DMD: variants seen among roughly 807,000 people sequenced by gnomAD.
DMD encodes the protein dystrophin.
A neutral mutation model predicts 330.1 loss-of-function variants in DMD; 63 were observed. The observed-to-expected ratio is 0.19, with a 90% CI of 0.16 to 0.24. DMD has a LOEUF of 0.24. DMD is among the 10% of genes least tolerant of loss of function. DMD has a pLI of 1.00. For missense variants in DMD, 3,344 were observed against 2,684.1 expected (o/e 1.25, Z -5.43); for synonymous variants, 1,223 against 959.8 (o/e 1.27, Z -5.07).
At chrX:32,533,132 A>G (rs2047635284) in intron 17 of DMD, among the ~76,000 whole-genome samples, 1 of 111,207 alleles carries the variant, frequency 9.0e-6, no homozygotes. Flanking sequence ...CTATGAAACC[A>G]AGGTAAGATG....
At chrX:31,289,272 AT>A (rs1569518634) in intron 62 of DMD, among the ~76,000 whole-genome samples, 1,139 of 87,709 alleles carry the variant, frequency 0.013, 183 homozygotes, top group African/African-American at 0.048. Context: ...AAAATAAAAA[AT>A]AAAATAAAAT....
intron 9 of DMD, among the ~76,000 whole-genome samples, chrX:32,645,867 C>T (rs1174909599): frequency 8.9e-6 from 1 of 112,006 alleles, no homozygotes; most frequent in Non-Finnish European, 1.9e-5. Context: ...CGTCTGGACC[C>T]TAAAGCCAAG....
chrX:33,075,241 A>C (rs746061881), intron 1 of DMD, among the ~76,000 whole-genome samples: 1 of 112,005 alleles, frequency 8.9e-6, no homozygotes, highest in Admixed American at 9.5e-5. Context: ...CTCAGTGCAC[A>C]GGAGGACCCT....
intron 26 of DMD, among the ~76,000 whole-genome samples, chrX:32,451,900 T>A (rs1252074018): frequency 1.8e-5 from 2 of 110,738 alleles, no homozygotes; most frequent in Admixed American, 1.9e-4. Flanking sequence ...CTCTTTTTAC[T>A]ATCACCCCCA....
intron 45 of DMD, among the ~76,000 whole-genome samples, chrX:31,962,667 G>A (rs1352751199): frequency 9.0e-6 from 1 of 111,707 alleles, no homozygotes; most frequent in Non-Finnish European, 1.9e-5. Flanking sequence ...TAAAAAATGA[G>A]GTCTCTCAAT....
chrX:32,356,452 A>C (rs776075706), intron 37 of DMD, among the ~76,000 whole-genome samples: 1 of 108,855 alleles, frequency 9.2e-6, no homozygotes, highest in Non-Finnish European at 1.9e-5. Flanking sequence ...TGAATATTTA[A>C]GTATTTGATG....
chrX:32,248,639 C>T (rs1228362725), intron 43 of DMD, among the ~76,000 whole-genome samples: 1 of 108,610 alleles, frequency 9.2e-6, no homozygotes, highest in East Asian at 2.9e-4. Flanking sequence ...TCATTGCAAA[C>T]ACAATACTAT....
intron 45 of DMD, among the ~76,000 whole-genome samples, chrX:31,948,821 A>G (rs961264677): frequency 5.4e-5 from 6 of 111,942 alleles, no homozygotes; most frequent in South Asian, 3.7e-4. Flanking sequence ...CTATTGGATT[A>G]TCTTGTCACC....
intron 76 of DMD, among the ~76,000 whole-genome samples, chrX:31,143,142 A>T (rs1394261834): frequency 9.0e-6 from 1 of 111,580 alleles, no homozygotes; most frequent in Non-Finnish European, 1.9e-5. Flanking sequence ...TTTTAAATGA[A>T]GTTAGCTTAT....
At chrX:31,668,422 TATA>T (rs913015873) in intron 53 of DMD, among the ~76,000 whole-genome samples, 3 of 110,690 alleles carry the variant, frequency 2.7e-5, no homozygotes, top group African/African-American at 9.8e-5. Flanking sequence ...TCATTAAAAA[TATA>T]TTATTATTAT....
At position 33,163,628 on chromosome X, in the gene DMD, C is replaced by CTATCTATGTATCTATG. The variant is rs1557282396; in HGVS notation, c.31+47653_31+47654insCATAGATACATAGATA. On this transcript the variant is annotated intron_variant, in intron 1 of 78. Coordinates refer to ENST00000357033, the MANE Select transcript of DMD (RefSeq NM_004006.3). ...TATATCTATATCTATCTCTATCTAT[C>CTATCTATGTATCTATG]TATCTATCTATCTATCTATCTATCT... Among the ~76,000 whole-genome samples the CTATCTATGTATCTATG allele has an allele frequency of 6.2e-3, 620 of 100,064 alleles. 16 individuals are homozygous for CTATCTATGTATCTATG. In the East Asian group the frequency reaches 0.11, roughly 18 times the overall value. The allele number at this position is 100,064 out of a possible 115,157, so 86.9% of individuals were successfully genotyped here. A position where few individuals can be genotyped will look rare whatever the true frequency, so the allele number is the denominator to read the frequency against.
chrX:32,807,576 A>G (rs760572084), intron 7 of DMD, among the ~76,000 whole-genome samples: 1 of 111,889 alleles, frequency 8.9e-6, no homozygotes, highest in Non-Finnish European at 1.9e-5. Flanking sequence ...CTTCCCACTT[A>G]GGAGAGCATA....
At chrX:32,827,056 AC>A (rs1174768674) in intron 4 of DMD, among the ~76,000 whole-genome samples, 53 of 59,827 alleles carry the variant, frequency 8.9e-4, no homozygotes, top group South Asian at 2.9e-3. Context: ...CACACATCGC[AC>A]CCCCCCCCCA....
At chrX:33,258,188 A>G (rs1480761326) in intron 1 of DMD, among the ~76,000 whole-genome samples, 3 of 111,595 alleles carry the variant, frequency 2.7e-5, no homozygotes, top group Non-Finnish European at 3.8e-5. Context: ...TAATAGCATT[A>G]TGGCTCATTA....
chrX:31,396,176 G>T (rs757203706), intron 60 of DMD, among the ~76,000 whole-genome samples: 1 of 100,567 alleles, frequency 9.9e-6, no homozygotes, highest in Non-Finnish European at 2.0e-5. Flanking sequence ...CTCGCTCTGT[G>T]GCCCAGGCTG....
intron 44 of DMD, among the ~76,000 whole-genome samples, chrX:32,069,490 G>A (rs1475141401): frequency 1.8e-5 from 2 of 111,383 alleles, no homozygotes; most frequent in Non-Finnish European, 3.8e-5. Context: ...TAACTTTCTC[G>A]AAGCAGCAGA....
At chrX:32,357,754 G>C (rs955502144) in intron 37 of DMD, among the ~76,000 whole-genome samples, 1 of 109,691 alleles carries the variant, frequency 9.1e-6, no homozygotes, top group Non-Finnish European at 1.9e-5. Flanking sequence ...TGATTAGTCT[G>C]GCTGTCCATG....
At chrX:32,241,362 T>A (rs1166029672) in intron 43 of DMD, among the ~76,000 whole-genome samples, 1 of 112,614 alleles carries the variant, frequency 8.9e-6, no homozygotes, top group African/African-American at 3.2e-5. Flanking sequence ...GCAACACAGT[T>A]CCCAGCAGCA....
intron 1 of DMD, among the ~76,000 whole-genome samples, chrX:33,115,241 T>C (rs752656654): frequency 8.9e-6 from 1 of 112,227 alleles, no homozygotes; most frequent in Admixed American, 9.5e-5. Context: ...GGTCCTTTAC[T>C]TTCTTCAGGG....
Sources: gnomAD v4.1 joint callset for allele counts (sites outside exome capture counted in the v4.1 genomes callset) on GRCh38, gnomAD v4.1.1 for gene constraint, MANE v1.5 for transcripts, NCBI Gene and HGNC (gene_info 2026-07-23, HGNC 2026-07-21) for gene names.